Variants in TP53BP1 observed in about 807,000 individuals in gnomAD.
TP53BP1 encodes TP53-binding protein 1.
In TP53BP1, 61 loss-of-function variants were observed where a neutral mutation model predicts 200.8. That is an observed-to-expected ratio of 0.30 (90% CI 0.25 to 0.38). TP53BP1 has a LOEUF of 0.38. Ranked by LOEUF, TP53BP1 falls within the 10% of genes least tolerant of loss-of-function variation. The pLI is 1.00. For missense variants in TP53BP1, 2,144 were observed against 2,371.9 expected, an observed-to-expected ratio of 0.90 and a Z score of 2.00; for synonymous variants, 822 against 844.3, an observed-to-expected ratio of 0.97 and a Z score of 0.46.
chr15:43,432,051 A>C, intron 17 of TP53BP1, 143 bp downstream of exon 17: 1 of 1,159,128 alleles, frequency 8.6e-7, no homozygotes, highest in Non-Finnish European at 1.2e-6. Context: ...TGTATCTTAG[A>C]AAAGTTGTTT....
intron 11 of TP53BP1, among the ~76,000 whole-genome samples, chr15:43,458,993 G>C (rs941933931): frequency 6.6e-6 from 1 of 152,018 alleles, no homozygotes. Context: ...ATAAAAATAT[G>C]TGCCCACAGA....
chr15:43,471,183 C>T (rs2046715537), intron 10 of TP53BP1, among the ~76,000 whole-genome samples: 3 of 150,672 alleles, frequency 2.0e-5, no homozygotes, highest in Admixed American at 1.3e-4. Context: ...TAAGCAAATG[C>T]ATTAAATCTA....
At chr15:43,480,391 T>C in intron 5 of TP53BP1, among the ~76,000 whole-genome samples, 1 of 151,990 alleles carries the variant, frequency 6.6e-6, no homozygotes, top group East Asian at 1.9e-4. Context: ...GAGCTTGCAG[T>C]GAGCCAAGAT....
chr15:43,415,251 A>C, intron 23 of TP53BP1: 7 of 202,974 alleles, frequency 3.4e-5, no homozygotes, highest in South Asian at 1.3e-4. Flanking sequence ...CTTGTTGCCC[A>C]GGCTGGAGTG....
chr15:43,473,330 T>C (rs775046535), intron 10 of TP53BP1, among the ~76,000 whole-genome samples: 1 of 152,168 alleles, frequency 6.6e-6, no homozygotes, highest in African/African-American at 2.4e-5. Flanking sequence ...TGCTGATTGG[T>C]AGAGCCAGTG....
intron 11 of TP53BP1, among the ~76,000 whole-genome samples, chr15:43,467,698 T>C (rs2046619165): frequency 6.6e-6 from 1 of 152,142 alleles, no homozygotes; most frequent in African/African-American, 2.4e-5. Context: ...GTTTGGTCAC[T>C]GATAAACATC....
At chr15:43,454,047 A>C (rs2046235730) in intron 12 of TP53BP1, among the ~76,000 whole-genome samples, 1 of 151,740 alleles carries the variant, frequency 6.6e-6, no homozygotes, top group Non-Finnish European at 1.5e-5. Flanking sequence ...TCTACTAAAA[A>C]TACAAAAATT....
chr15:43,465,092 T>C (rs2046539104), intron 11 of TP53BP1, among the ~76,000 whole-genome samples: 1 of 151,972 alleles, frequency 6.6e-6, no homozygotes, highest in African/African-American at 2.4e-5. Context: ...GGCTATATAT[T>C]TTATAATTCC....
chr15:43,413,268 G>A lies in TP53BP1; in HGVS notation c.5156C>T (p.Ala1719Val). ...ESGDNTGEPS[A>V]LEEQRGPLPL... Reference sequence around the variant, plus strand: ...CAAAGGCCCTCTCTGCTCTTCCAGGGCAGAGGGTTCACCGGTGTTGTCTCC... The same window carrying A: ...CAAAGGCCCTCTCTGCTCTTCCAGGACAGAGGGTTCACCGGTGTTGTCTCC... Residue 1719 changes from alanine to valine, a missense_variant, in exon 24 of 28, where the codon GCC (alanine) becomes GTC (valine). Ala to Val is a moderately conservative substitution (Grantham distance 64, BLOSUM62 0). Transcript: ENST00000382044. 6.2e-7 allele frequency: 1 copy of A among 1,614,170 alleles called. No individual in the cohort carries two copies.
intron 1 of TP53BP1, among the ~76,000 whole-genome samples, chr15:43,508,652 T>C (rs1595640752): frequency 6.6e-6 from 1 of 152,308 alleles, no homozygotes; most frequent in East Asian, 1.9e-4. Context: ...TACGTATATT[T>C]TGACAATATA....
intron 4 of TP53BP1, among the ~76,000 whole-genome samples, chr15:43,482,211 A>AGAGC (rs2078981786): frequency 1.3e-5 from 2 of 152,120 alleles, no homozygotes; most frequent in Admixed American, 6.5e-5. Context: ...CCTGGGCGAC[A>AGAGC]GAGCGAGACT....
At chr15:43,428,686 T>A (rs909993257) in intron 17 of TP53BP1, among the ~76,000 whole-genome samples, 4 of 152,192 alleles carry the variant, frequency 2.6e-5, no homozygotes, top group African/African-American at 9.6e-5. Flanking sequence ...TACACTGATC[T>A]CTCCTAGAAT....
chr15:43,407,650 C>A (rs2044953103), intron 27 of TP53BP1, 80 bp from the exon 28 acceptor site: 1 of 1,337,886 alleles, frequency 7.5e-7, no homozygotes, highest in Non-Finnish European at 1.0e-6. Flanking sequence ...TGATTCTAAC[C>A]AATACATCCC....
Position 43,407,340 on chromosome 15 carries a change from T to C in TP53BP1, c.*43A>G. The C allele has an allele frequency of 6.4e-7, 1 of 1,574,184 alleles. No individual in the cohort carries two copies. The highest frequency in any genetic ancestry group is 8.7e-7 in the Non-Finnish European group (1 of 1,148,180). ...CATTTAAAACCTGGTTAAAACACAA[T>C]CTCCACGATAGCAGGGAATAAAACC... On this transcript the variant is annotated 3_prime_UTR_variant, in exon 28 of 28. Transcript: ENST00000382044.
At chr15:43,476,602 G>C (rs2078886401) in intron 8 of TP53BP1, among the ~76,000 whole-genome samples, 1 of 152,184 alleles carries the variant, frequency 6.6e-6, no homozygotes, top group Non-Finnish European at 1.5e-5. Flanking sequence ...ATTAATCCCA[G>C]TGTAAAAGAA....
chr15:43,464,708 A>G (rs1005531875), intron 11 of TP53BP1, among the ~76,000 whole-genome samples: 37 of 152,036 alleles, frequency 2.4e-4, no homozygotes, highest in Non-Finnish European at 5.0e-4. Flanking sequence ...GTTCAAGACC[A>G]GCCTGACCAA....
chr15:43,464,062 C>T (rs1488292550), intron 11 of TP53BP1, among the ~76,000 whole-genome samples: 1 of 152,188 alleles, frequency 6.6e-6, no homozygotes, highest in East Asian at 1.9e-4. Flanking sequence ...AATAAAATGT[C>T]TCAGCGGATC....
At chr15:43,430,377 T>C (rs2142997236) in intron 17 of TP53BP1, among the ~76,000 whole-genome samples, 1 of 152,338 alleles carries the variant, frequency 6.6e-6, no homozygotes, top group Middle Eastern at 3.4e-3. Flanking sequence ...CCAATTTCAA[T>C]TTCTGTTATT....
At chr15:43,491,924 C>T (rs2079129402) in intron 3 of TP53BP1, 78 bp downstream of exon 3, 8 of 1,241,694 alleles carry the variant, frequency 6.4e-6, no homozygotes, top group South Asian at 1.2e-5. Context: ...GACACAACCA[C>T]ATAAAGTTTA....
Sources: allele counts gnomAD v4.1 joint callset (sites outside exome capture counted in the v4.1 genomes callset), GRCh38; gene constraint gnomAD v4.1.1; transcripts MANE v1.5; gene names NCBI Gene and HGNC (gene_info 2026-07-23, HGNC 2026-07-21).